Variants in FAT3 observed in about 807,000 individuals in gnomAD.
FAT3 encodes the protein FAT atypical cadherin 3.
FAT3 carries 95 observed loss-of-function variants against 310.2 expected under a neutral mutation model. The ratio of observed to expected loss-of-function variants is 0.31; its 90% CI spans 0.26 to 0.36. FAT3 has a LOEUF of 0.36. FAT3 is among the 10% of genes least tolerant of loss of function. The probability of loss-of-function intolerance (pLI) is 1.00; values close to 1 mark genes in which losing one functional copy is unlikely to be tolerated. For missense variants in FAT3, 5,408 were observed against 5,715.6 expected, an observed-to-expected ratio of 0.95 and a Z score of 1.74; for synonymous variants, 2,314 against 2,192.9, an observed-to-expected ratio of 1.06 and a Z score of -1.54.
Position 92,688,030 on chromosome 11 carries a change from CA to C in FAT3, c.3608-9339del, listed in dbSNP as rs1168810709. Among the ~76,000 whole-genome samples the C allele has an allele frequency of 5.0e-3, 689 of 137,362 alleles. 4 individuals are homozygous for C. Among genetic ancestry groups the C allele is most frequent in the Non-Finnish European group, 6.5e-3 (410 of 62,838 alleles). The allele number at this position is 137,362 out of a possible 152,430, so 90.1% of individuals were successfully genotyped here. On this transcript the variant is annotated intron_variant, in intron 3 of 27. Coordinates refer to ENST00000525166, the MANE Select transcript of FAT3 (RefSeq NM_001367949.2). ...CAGGAATTAGAGACCACATCTCTAC[CA>C]AAAAAAAAAAAAAATTTTTTTAACT...
chr11:92,813,424 C>A (rs1591769132), intron 13 of FAT3, among the ~76,000 whole-genome samples: 1 of 152,142 alleles, frequency 6.6e-6, no homozygotes, highest in Non-Finnish European at 1.5e-5. Flanking sequence ...GATCTTGGTA[C>A]AATCCACAGA....
chr11:92,540,134 C>T (rs920368201), intron 3 of FAT3, among the ~76,000 whole-genome samples: 3 of 152,170 alleles, frequency 2.0e-5, no homozygotes, highest in Admixed American at 1.3e-4. Flanking sequence ...CTCAGCTTGC[C>T]AGCATACACT....
chr11:92,664,928 C>T (rs996456549), intron 3 of FAT3, among the ~76,000 whole-genome samples: 1 of 152,094 alleles, frequency 6.6e-6, no homozygotes. Flanking sequence ...TTGCGGATTA[C>T]ATTTAATAAA....
intron 3 of FAT3, among the ~76,000 whole-genome samples, chr11:92,598,699 T>C (rs1313348279): frequency 6.6e-6 from 1 of 152,226 alleles, no homozygotes; most frequent in Non-Finnish European, 1.5e-5. Flanking sequence ...TAGAGGATTA[T>C]ACACAGTGTA....
intron 2 of FAT3, among the ~76,000 whole-genome samples, chr11:92,401,837 A>G (rs748737447): frequency 5.3e-5 from 8 of 152,186 alleles, no homozygotes; most frequent in Non-Finnish European, 1.0e-4. Flanking sequence ...AGCTACAATA[A>G]ACATTAAACA....
chr11:92,773,691 A>G (rs1289399607), intron 6 of FAT3, among the ~76,000 whole-genome samples: 2 of 152,212 alleles, frequency 1.3e-5, no homozygotes, highest in Non-Finnish European at 2.9e-5. Context: ...TGGAAAAAAC[A>G]AAAAGATCTA....
intron 2 of FAT3, among the ~76,000 whole-genome samples, chr11:92,386,374 G>A (rs187258255): frequency 1.1e-4 from 16 of 152,216 alleles, no homozygotes; most frequent in Non-Finnish European, 1.9e-4. Context: ...ACATATACAA[G>A]ACTTCAAACA....
rs548563302 is a variant in FAT3 at position 92,606,453 on chromosome 11, G to T, written c.3607+81505G>T. Among the ~76,000 whole-genome samples the T allele has an allele frequency of 2.4e-3, 361 of 152,304 alleles. 3 individuals are homozygous for T. The highest frequency in any genetic ancestry group is 0.017 in the South Asian group (84 of 4,824). ...AGACAGTACCTGGGCTTTGCCTGCA[G>T]CTCAGGCATGCTGGAGAGGTGGGCT... is the stretch of plus-strand genomic sequence containing the variant. On this transcript the variant is annotated intron_variant, in intron 3 of 27. Transcript: ENST00000525166.
chr11:92,565,159 AAGAG>A (rs1256590300), intron 3 of FAT3, among the ~76,000 whole-genome samples: 1 of 143,914 alleles, frequency 6.9e-6, no homozygotes, highest in African/African-American at 2.5e-5. Flanking sequence ...TAAAGAAAAA[AAGAG>A]AGAAGAATCA....
rs560504566 is a variant in FAT3 at position 92,570,543 on chromosome 11, A to T, written c.3607+45595A>T. On this transcript the variant is annotated intron_variant, in intron 3 of 27. Transcript: ENST00000525166. ...CCAGTTTCAACAGCCATCCATCCTT[A>T]GCCACTCTTGTTTCATTTATACTGA... is the stretch of plus-strand genomic sequence containing the variant. Among the ~76,000 whole-genome samples, 23 of 152,264 alleles carry T rather than the reference A, an allele frequency of 1.5e-4. 1 individual carries two copies. In the East Asian group the frequency reaches 4.1e-3, roughly 27 times the overall value.
rs1180824771 is a variant in FAT3 at position 92,627,930 on chromosome 11, GC to G, written c.3608-69453del. On this transcript the variant is annotated intron_variant, in intron 3 of 27. Transcript: ENST00000525166. ...AGAGGTGACAGAGCCCATGACTGGA[GC>G]GTGGGGCTTTGAAGCCAGGAGACAG... 3.3e-5 allele frequency among the ~76,000 whole-genome samples: 5 copies of G among 152,326 alleles called. 1 individual carries two copies. The highest frequency in any genetic ancestry group is 1.2e-4 in the African/African-American group (5 of 41,574).
At chr11:92,834,347 T>C (rs1948342503) in intron 14 of FAT3, among the ~76,000 whole-genome samples, 1 of 152,246 alleles carries the variant, frequency 6.6e-6, no homozygotes, top group African/African-American at 2.4e-5. Flanking sequence ...TTCTGAGATC[T>C]TTGCCCTCTT....
intron 3 of FAT3, among the ~76,000 whole-genome samples, chr11:92,643,419 G>A (rs1245516245): frequency 6.6e-6 from 1 of 152,140 alleles, no homozygotes; most frequent in African/African-American, 2.4e-5. Context: ...AAGTTTGTAG[G>A]TTTTTCATGT....
chr11:92,741,118 T>G (rs1180153669), intron 4 of FAT3, among the ~76,000 whole-genome samples: 6 of 152,198 alleles, frequency 3.9e-5, no homozygotes, highest in Non-Finnish European at 8.8e-5. Flanking sequence ...CATAGCTCAC[T>G]GCAGCCTGCA....
In FAT3 at chr11:92,516,099, A is replaced by G. The variant is rs1317550907; in HGVS notation, c.3293-8535A>G. On this transcript the variant is annotated intron_variant, in intron 2 of 27. Transcript: ENST00000525166. Reference sequence around the variant, plus strand: ...TACCATTCCTTCTGAAATTATTCCAAACAATAGAAAAAGAGGGACTCTTCC... The same window carrying G: ...TACCATTCCTTCTGAAATTATTCCAGACAATAGAAAAAGAGGGACTCTTCC... Among the ~76,000 whole-genome samples the G allele has an allele frequency of 2.0e-5, 3 of 152,166 alleles. No individual in the cohort carries two copies. The East Asian group carries it at 5.8e-4, about 29-fold the overall frequency.
intron 7 of FAT3, among the ~76,000 whole-genome samples, chr11:92,776,813 A>G (rs1283452745): frequency 1.3e-5 from 2 of 152,102 alleles, no homozygotes; most frequent in Non-Finnish European, 2.9e-5. Context: ...GGGAACTAAG[A>G]GTTTCCAAAG....
chr11:92,559,485 A>T (rs561135877), intron 3 of FAT3: 1 of 382,378 alleles, frequency 2.6e-6, no homozygotes, highest in Admixed American at 2.8e-5. Flanking sequence ...CCTGGATTCA[A>T]GGGATACCCC....
intron 1 of FAT3, among the ~76,000 whole-genome samples, chr11:92,288,374 G>A (rs1476622855): frequency 6.6e-6 from 1 of 152,110 alleles, no homozygotes; most frequent in African/African-American, 2.4e-5. Context: ...CTGCTCTACA[G>A]CATTGCACCA....
intron 3 of FAT3, among the ~76,000 whole-genome samples, chr11:92,627,312 C>T (rs1179189312): frequency 2.0e-5 from 3 of 152,118 alleles, no homozygotes; most frequent in African/African-American, 4.8e-5. Flanking sequence ...AAGGTTCTAT[C>T]GCATCAGGGA....
Sources: gnomAD v4.1 joint callset for allele counts (sites outside exome capture counted in the v4.1 genomes callset) on GRCh38, gnomAD v4.1.1 for gene constraint, MANE v1.5 for transcripts, NCBI Gene and HGNC (gene_info 2026-07-23, HGNC 2026-07-21) for gene names.